Variants in ITGA9 observed in about 807,000 individuals in gnomAD.
ITGA9 encodes the protein integrin subunit alpha 9, also known as integrin alpha-9.
A neutral mutation model predicts 127.8 loss-of-function variants in ITGA9; 56 were observed. That is an observed-to-expected ratio of 0.44 (90% CI 0.35 to 0.55). The LOEUF (loss-of-function observed/expected upper bound fraction) is 0.55. Ranked by LOEUF, ITGA9 falls within the 20% of genes least tolerant of loss-of-function variation. The probability of loss-of-function intolerance (pLI) is 0.00; values close to 1 mark genes in which losing one functional copy is unlikely to be tolerated. For synonymous variants in ITGA9, 508 were observed against 514.5 expected (o/e 0.99, Z 0.17); for missense variants, 1,196 against 1,347.1 (o/e 0.89, Z 1.76).
At chr3:37,670,391 C>G (rs1454127777) in intron 17 of ITGA9, among the ~76,000 whole-genome samples, 1 of 152,198 alleles carries the variant, frequency 6.6e-6, no homozygotes, top group East Asian at 1.9e-4. Context: ...GTCCCTACCA[C>G]TCACCTTCCC....
intron 15 of ITGA9, among the ~76,000 whole-genome samples, chr3:37,579,203 G>T (rs1334876453): frequency 6.6e-6 from 1 of 152,140 alleles, no homozygotes; most frequent in African/African-American, 2.4e-5. Context: ...AAGTCAAATT[G>T]CATGCAGCAG....
chr3:37,682,815 G>T (rs1700746597), intron 17 of ITGA9, among the ~76,000 whole-genome samples: 1 of 151,974 alleles, frequency 6.6e-6, no homozygotes, highest in Admixed American at 6.6e-5. Context: ...AAATCTGTTG[G>T]CATGACCTTT....
Position 37,542,480 on chromosome 3 carries a change from C to T in ITGA9, c.1584C>T (p.Pro528=). 6.2e-7 allele frequency: 1 copy of T among 1,614,042 alleles called. No homozygotes were observed. Among genetic ancestry groups the T allele is most frequent in the African/African-American group, 1.3e-5 (1 of 75,010 alleles). Residue 528 remains proline, a synonymous_variant, in exon 15 of 28, where the codon CCC becomes CCT. Transcript: ENST00000264741. ...DVAKKEKGQM[P]RVYFVLLGET... is the part of the protein sequence containing the mutation. Reference sequence around the variant, plus strand: ...CCAAAAAGGAGAAGGGCCAGATGCCCAGGGTCTACTTTGTGCTGCTGGGAG... The same window carrying T: ...CCAAAAAGGAGAAGGGCCAGATGCCTAGGGTCTACTTTGTGCTGCTGGGAG...
rs568325796 is a variant in ITGA9 at position 37,750,537 on chromosome 3, G to C, written c.2509G>C (p.Gly837Arg). Residue 837 changes from glycine (G) to arginine (R), a missense_variant, in exon 23 of 28, where the codon GGT becomes CGT. Coordinates refer to ENST00000264741, the MANE Select transcript of ITGA9 (RefSeq NM_002207.3). The stretch of plus-strand genomic sequence containing the variant: ...TTTCCCTAATCGACTCTCATCTGGT[G>C]GTGCAGAGATGTTTCATGTCCAGGA... ...ISFPNRLSSG[G>R]AEMFHVQEMV... 1.1e-5 allele frequency: 17 copies of C among 1,613,410 alleles called. 1 individual carries two copies. The South Asian group carries it at 1.9e-4, about 18-fold the overall frequency.
chr3:37,792,786 G>A (rs1697127286), intron 26 of ITGA9, among the ~76,000 whole-genome samples: 1 of 152,176 alleles, frequency 6.6e-6, no homozygotes, highest in South Asian at 2.1e-4. Flanking sequence ...TTAGAAGGCT[G>A]CGATTTTCAC....
chr3:37,501,572 C>T (rs1489387792), intron 5 of ITGA9, among the ~76,000 whole-genome samples: 1 of 152,138 alleles, frequency 6.6e-6, no homozygotes, highest in Non-Finnish European at 1.5e-5. Flanking sequence ...CCTCATGCCC[C>T]TTTGCAGACA....
intron 15 of ITGA9, among the ~76,000 whole-genome samples, chr3:37,627,237 T>C (rs1244330038): frequency 6.6e-6 from 1 of 152,188 alleles, no homozygotes; most frequent in Non-Finnish European, 1.5e-5. Flanking sequence ...GTAAAAATCA[T>C]CTGCCAGTCA....
Position 37,741,744 on chromosome 3 carries a change from G to A in ITGA9, c.2249G>A (p.Arg750His), listed in dbSNP as rs373225022. The change falls in exon 21 of 28, where the codon CGC becomes CAC. Residue 750 changes from arginine to histidine, a missense_variant. By Grantham distance (29) the Arg-to-His change is conservative. Transcript: ENST00000264741. Reference protein sequence around the residue: ...IVTAQSGNTERSESLHDNTLV... With the variant: ...IVTAQSGNTEHSESLHDNTLV... ...TCTCTGCACAGTGGCAACACGGAGC[G>A]CTCTGAATCCCTGCATGACAACACC... The A allele has an allele frequency of 5.0e-5, 80 of 1,613,496 alleles. No individual in the cohort carries two copies. The highest frequency in any genetic ancestry group is 3.3e-4 in the Admixed American group (20 of 59,944).
At chr3:37,671,476 A>AT (rs771599193) in intron 17 of ITGA9, among the ~76,000 whole-genome samples, 2 of 152,046 alleles carry the variant, frequency 1.3e-5, no homozygotes, top group African/African-American at 4.8e-5. Context: ...TGGACGTGCT[A>AT]TTTTTTTTAA....
At chr3:37,643,152 C>T (rs1700348446) in intron 16 of ITGA9, among the ~76,000 whole-genome samples, 1 of 152,144 alleles carries the variant, frequency 6.6e-6, no homozygotes, top group Non-Finnish European at 1.5e-5. Context: ...AGCAGTTTGG[C>T]TCAGCAGGAG....
rs1374889798 is a variant in ITGA9, at chr3:37,744,039, C to T, written c.2433+5C>T. ...CCCATCAATATCACCCTTCAGGTAC[C>T]CACTCCTGGAGACCTCCTCTGTCCG... On this transcript the variant is annotated splice_donor_5th_base_variant and intron_variant, in intron 22 of 27. Transcript: ENST00000264741. 1.3e-6 allele frequency: 2 copies of T among 1,591,802 alleles called. No homozygotes were observed. Among genetic ancestry groups the T allele is most frequent in the Non-Finnish European group, 1.7e-6 (2 of 1,159,712 alleles).
chr3:37,726,069 A>C (rs1696188747), intron 18 of ITGA9, among the ~76,000 whole-genome samples: 1 of 152,196 alleles, frequency 6.6e-6, no homozygotes, highest in African/African-American at 2.4e-5. Context: ...GTTTGCTGAG[A>C]ATGTTTTCTG....
intron 26 of ITGA9, chr3:37,789,874 G>C: frequency 4.0e-6 from 2 of 500,570 alleles, no homozygotes; most frequent in South Asian, 3.9e-5. Flanking sequence ...AAATAGTCAG[G>C]ATGAGGGATG....
chr3:37,471,887 C>T (rs1262869298), intron 2 of ITGA9, among the ~76,000 whole-genome samples: 1 of 152,108 alleles, frequency 6.6e-6, no homozygotes, highest in Non-Finnish European at 1.5e-5. Flanking sequence ...AAGCCTATCT[C>T]TACTAAAAAT....
At chr3:37,520,087 T>G (rs1048636700) in intron 11 of ITGA9, among the ~76,000 whole-genome samples, 92 of 152,334 alleles carry the variant, frequency 6.0e-4, no homozygotes, top group Admixed American at 2.1e-3. Flanking sequence ...TGCTGACTAC[T>G]TCCTACTCAT....
rs532524050 is a variant in ITGA9, at chr3:37,554,677, G to A, written c.1689+12092G>A. ...TGTGAGAAGTGGTCAAATTCTGCGT[G>A]CATTTTGAAGGGGGATCCTACAGCA... On this transcript the variant is annotated intron_variant, in intron 15 of 27. Transcript: ENST00000264741. Among the ~76,000 whole-genome samples the A allele has an allele frequency of 1.2e-4, 19 of 152,232 alleles. No individual in the cohort carries two copies. The East Asian group carries it at 3.5e-3, about 28-fold the overall frequency.
At chr3:37,504,081 C>T (rs943174578) in intron 6 of ITGA9, among the ~76,000 whole-genome samples, 1 of 152,214 alleles carries the variant, frequency 6.6e-6, no homozygotes, top group Non-Finnish European at 1.5e-5. Flanking sequence ...CATAGCGTCA[C>T]TGGGAACTTC....
At chr3:37,803,791 G>C in intron 26 of ITGA9, 32 bp from the exon 27 acceptor site, 4 of 1,613,600 alleles carry the variant, frequency 2.5e-6, no homozygotes, top group Non-Finnish European at 3.4e-6. Flanking sequence ...AAATAAAAAA[G>C]GAAATGTTTT....
intron 15 of ITGA9, among the ~76,000 whole-genome samples, chr3:37,620,588 G>T (rs1399160022): frequency 6.6e-6 from 1 of 152,220 alleles, no homozygotes; most frequent in Non-Finnish European, 1.5e-5. Flanking sequence ...CAAGGTTGCA[G>T]TTTGCAAGAA....
Sources: gnomAD v4.1 joint callset for allele counts (sites outside exome capture counted in the v4.1 genomes callset) on GRCh38, gnomAD v4.1.1 for gene constraint, MANE v1.5 for transcripts, NCBI Gene and HGNC (gene_info 2026-07-23, HGNC 2026-07-21) for gene names.